Variants in ABL1 observed in about 807,000 individuals in gnomAD.
The protein encoded by ABL1 is tyrosine-protein kinase ABL1.
ABL1 carries 11 observed loss-of-function variants against 94.7 expected under a neutral mutation model. That is an observed-to-expected ratio of 0.12 (90% CI 0.07 to 0.19). The LOEUF is 0.19. Among genes scored for constraint, ABL1 ranks in the 10% least tolerant of loss-of-function variants. The pLI, the probability that ABL1 is intolerant of heterozygous loss-of-function variation, is 1.00. For missense variants in ABL1, 1,082 were observed against 1,489.4 expected, an observed-to-expected ratio of 0.73 and a Z score of 4.50; for synonymous variants, 656 against 622.4, an observed-to-expected ratio of 1.05 and a Z score of -0.80.
intron 1 of ABL1, among the ~76,000 whole-genome samples, chr9:130,735,352 A>G (rs1219055126): frequency 6.6e-6 from 1 of 152,136 alleles, no homozygotes; most frequent in Admixed American, 6.5e-5. Context: ...TTTTGAATAG[A>G]TAATACATTT....
intron 7 of ABL1, among the ~76,000 whole-genome samples, chr9:130,877,024 C>T (rs1259811814): frequency 5.4e-5 from 8 of 148,018 alleles, no homozygotes. Context: ...TTCTTAATAC[C>T]CTTCAGTGGT....
At chr9:130,737,125 A>G (rs1215100232) in intron 1 of ABL1, among the ~76,000 whole-genome samples, 1 of 152,086 alleles carries the variant, frequency 6.6e-6, no homozygotes, top group Non-Finnish European at 1.5e-5. Context: ...TTTAGTAAGG[A>G]GAGACTTTAT....
intron 1 of ABL1, among the ~76,000 whole-genome samples, chr9:130,828,303 G>A (rs1012429231): frequency 2.7e-5 from 1 of 37,532 alleles, no homozygotes; most frequent in Non-Finnish European, 4.4e-5. Context: ...GGGCTCAAGT[G>A]ATCCTCCTGC....
chr9:130,879,167 AC>A (rs1831408471), intron 8 of ABL1, among the ~76,000 whole-genome samples: 1 of 152,182 alleles, frequency 6.6e-6, no homozygotes, highest in Non-Finnish European at 1.5e-5. Context: ...GTGAGCCACC[AC>A]GCCCAGCTGC....
At chr9:130,767,251 C>G (rs756087536) in intron 1 of ABL1, among the ~76,000 whole-genome samples, 15 of 152,234 alleles carry the variant, frequency 9.9e-5, no homozygotes, top group Non-Finnish European at 1.5e-4. Context: ...ATTGATAGAT[C>G]TGTTTGGAAT....
intron 1 of ABL1, among the ~76,000 whole-genome samples, chr9:130,747,098 G>A (rs1831897435): frequency 6.6e-6 from 1 of 152,144 alleles, no homozygotes; most frequent in African/African-American, 2.4e-5. Context: ...GCACCCCTGA[G>A]GGAGCATGGC....
intron 1 of ABL1, among the ~76,000 whole-genome samples, chr9:130,757,685 C>CCCA (rs943994971): frequency 1.1e-4 from 16 of 151,320 alleles, no homozygotes; most frequent in African/African-American, 3.6e-4. Flanking sequence ...ACTACAGGCA[C>CCCA]CCACCACCAC....
intron 1 of ABL1, among the ~76,000 whole-genome samples, chr9:130,769,935 G>A (rs1832232305): frequency 6.6e-6 from 1 of 152,140 alleles, no homozygotes; most frequent in Non-Finnish European, 1.5e-5. Context: ...CAATGGAATA[G>A]TACAGTCTGA....
rs576032875 is a variant in ABL1 at position 130,814,153 on chromosome 9, C to T, written c.137-39911C>T. Among the ~76,000 whole-genome samples the T allele has an allele frequency of 2.0e-4, 30 of 152,030 alleles. No homozygotes were observed. Among genetic ancestry groups the T allele is most frequent in the Non-Finnish European group, 2.8e-4 (19 of 67,964 alleles). On this transcript the variant is annotated intron_variant, in intron 1 of 10. Transcript: ENST00000372348. The surrounding 1 kb of genome is among the most constrained non-coding windows in gnomAD (Gnocchi z 4.4). Reference sequence around the variant, plus strand: ...TACAAAAATTAGCTGGGCGTGGTGGCGCTTGCCTGTGTAATCCCAGCTACT... The same window carrying T: ...TACAAAAATTAGCTGGGCGTGGTGGTGCTTGCCTGTGTAATCCCAGCTACT...
At chr9:130,770,157 TTG>T (rs1832234716) in intron 1 of ABL1, among the ~76,000 whole-genome samples, 14 of 151,416 alleles carry the variant, frequency 9.2e-5, no homozygotes, top group South Asian at 8.3e-4. Context: ...TTTCTACCAG[TTG>T]TCTCTCTCTC....
chr9:130,762,909 C>CAAAAA (rs5900905), intron 1 of ABL1, among the ~76,000 whole-genome samples: 2 of 92,876 alleles, frequency 2.2e-5, no homozygotes, highest in Non-Finnish European at 2.5e-5. Context: ...GACTCCGTCT[C>CAAAAA]AAAAAAAAAA....
At chr9:130,844,688 C>A (rs1564308583) in intron 1 of ABL1, among the ~76,000 whole-genome samples, 3 of 152,144 alleles carry the variant, frequency 2.0e-5, no homozygotes, top group African/African-American at 7.2e-5. Context: ...GTAATCCTAG[C>A]TACTCAGGAG....
rs530273795 is a variant in ABL1, at chr9:130,718,726, C to G, written c.136+4271C>G. Among the ~76,000 whole-genome samples, 103 of 152,232 alleles carry G rather than the reference C, an allele frequency of 6.8e-4. No individual in the cohort carries two copies. In the Middle Eastern group the frequency reaches 0.01, roughly 15 times the overall value. On this transcript the variant is annotated intron_variant, in intron 1 of 10. Transcript: ENST00000372348. ...GAAGACCCTGTCTCTACAACAAGAA[C>G]AAAAGAAATTAGCCAGACGTGTTAT...
In ABL1 at chr9:130,868,833, C is replaced by T. The variant is rs149857665; in HGVS notation, c.823-3296C>T. Among the ~76,000 whole-genome samples the T allele has an allele frequency of 4.2e-4, 64 of 152,160 alleles. No homozygotes were observed. In the East Asian group the frequency reaches 0.011, roughly 27 times the overall value. On this transcript the variant is annotated intron_variant, in intron 4 of 10. Transcript: ENST00000318560. ...TGTTCTTTTTCATGCTGTAGAATACCTGTGCTTGGGGGTGAGCAAAAAGGA... is the reference window on the plus strand; with the variant it reads ...TGTTCTTTTTCATGCTGTAGAATACTTGTGCTTGGGGGTGAGCAAAAAGGA...
At chr9:130,802,182 TC>T (rs1460544219) in intron 1 of ABL1, among the ~76,000 whole-genome samples, 3 of 149,244 alleles carry the variant, frequency 2.0e-5, no homozygotes, top group Non-Finnish European at 3.0e-5. Flanking sequence ...AACTTTGGCC[TC>T]CTGGGTTTAA....
At chr9:130,866,554 G>A (rs1242755839) in intron 4 of ABL1, among the ~76,000 whole-genome samples, 1 of 152,020 alleles carries the variant, frequency 6.6e-6, no homozygotes, top group East Asian at 1.9e-4. Context: ...GTCCTCTTTT[G>A]CCAGCAGGGG....
intron 3 of ABL1, 122 bp downstream of exon 3, chr9:130,855,218 G>T (rs1042858802): frequency 3.4e-6 from 4 of 1,176,054 alleles, no homozygotes; most frequent in African/African-American, 1.5e-5. Context: ...GAATCTTTCA[G>T]GTGGGAGTCA....
At chr9:130,732,507 C>G (rs1210311720) in intron 1 of ABL1, among the ~76,000 whole-genome samples, 5 of 152,140 alleles carry the variant, frequency 3.3e-5, no homozygotes. Context: ...TGTGGCCTCT[C>G]ACCAAATCTG....
chr9:130,818,973 T>C (rs1446026921), intron 1 of ABL1, among the ~76,000 whole-genome samples: 2 of 152,190 alleles, frequency 1.3e-5, no homozygotes, highest in Non-Finnish European at 2.9e-5. Flanking sequence ...ATTATTGAGT[T>C]TTTCTGGCCT....
Sources: gnomAD v4.1 joint callset for allele counts (sites outside exome capture counted in the v4.1 genomes callset) on GRCh38, gnomAD v4.1.1 for gene constraint, Gnocchi (gnomAD v3.1) non-coding constraint, MANE v1.5 for transcripts, NCBI Gene and HGNC (gene_info 2026-07-23, HGNC 2026-07-21) for gene names.